Variants in LRRC25 observed in about 807,000 individuals in gnomAD.
LRRC25 encodes the protein leucine-rich repeat-containing protein 25.
LRRC25 carries 5 observed loss-of-function variants against 18.8 expected under a neutral mutation model. The ratio of observed to expected loss-of-function variants is 0.27; its 90% confidence interval spans 0.14 to 0.56. The LOEUF (loss-of-function observed/expected upper bound fraction) is 0.56, where lower values mean the gene tolerates loss of function less well. Among genes scored for constraint, LRRC25 ranks in the 20% least tolerant of loss-of-function variants. The probability of loss-of-function intolerance (pLI) is 0.93; values close to 1 mark genes in which losing one functional copy is unlikely to be tolerated. For synonymous variants in LRRC25, 161 were observed against 176.8 expected (o/e 0.91, Z 0.71); for missense variants, 341 against 389.8 (o/e 0.87, Z 1.05).
At position 18,396,752 on chromosome 19, in the gene LRRC25, T is replaced by C; in HGVS notation, c.212A>G (p.Asn71Ser). 1 of 1,614,070 alleles carries C rather than the reference T, an allele frequency of 6.2e-7. No homozygotes were observed. The highest frequency in any genetic ancestry group is 1.6e-4 in the Middle Eastern group (1 of 6,062). The stretch of plus-strand genomic sequence containing the variant: ...GGTCACTGGAAGCTCTCGCAGGCCG[T>C]TCCCAGACAGGTCAAGGAGAATCAC... ...SNVILLDLSG[N>S]GLRELPVTFF... Residue 71 changes from asparagine (N) to serine (S), a missense_variant, in exon 1 of 2, where the codon AAC (asparagine) becomes AGC (serine). Physicochemically the swap from Asn to Ser is conservative, Grantham distance 46. Transcript: ENST00000339007.
chr19:18,396,332 G>A lies in LRRC25; in HGVS notation c.632C>T (p.Pro211Leu). Residue 211 changes from proline to leucine, a missense_variant, in exon 1 of 2, where the codon CCC (proline) becomes CTC (leucine). By Grantham distance (98) the Pro-to-Leu change is moderately conservative. Coordinates refer to ENST00000339007, the MANE Select transcript of LRRC25 (RefSeq NM_145256.3). ...LNKPWAAQDGPKPGLGLQPRY... is the reference protein window; with the variant it reads ...LNKPWAAQDGLKPGLGLQPRY... ...TGGCTGCAAGCCTAAACCGGGCTTG[G>A]GCCCATCCTGAGCAGCCCAGGGTTT... 6.2e-7 allele frequency: 1 copy of A among 1,613,904 alleles called. No homozygotes were observed. Among genetic ancestry groups the A allele is most frequent in the Non-Finnish European group, 8.5e-7 (1 of 1,180,014 alleles).
In LRRC25 at chr19:18,396,558, G is replaced by C; in HGVS notation, c.406C>G (p.Pro136Ala). 6.2e-7 allele frequency: 1 copy of C among 1,613,876 alleles called. No homozygotes were observed. The highest frequency in any genetic ancestry group is 8.5e-7 in the Non-Finnish European group (1 of 1,180,036). Residue 136 changes from proline to alanine, a missense_variant, in exon 1 of 2, where the codon CCT becomes GCT. Physicochemically the swap from Pro to Ala is conservative, Grantham distance 27. Coordinates refer to ENST00000339007, the MANE Select transcript of LRRC25 (RefSeq NM_145256.3). ...CTGGTTGTGTCCCAGCAGAGCAGAGGCTTCTGGCCAGAGCAGTTGTCTCGG... is the reference window on the plus strand; with the variant it reads ...CTGGTTGTGTCCCAGCAGAGCAGAGCCTTCTGGCCAGAGCAGTTGTCTCGG... The part of the protein sequence containing the change: ...IRRDNCSGQK[P>A]LLCWDTTSSQ...
chr19:18,393,545 C>T (rs950071587), intron 1 of LRRC25, among the ~76,000 whole-genome samples: 6 of 151,742 alleles, frequency 4.0e-5, no homozygotes, highest in African/African-American at 4.8e-5. Context: ...CACTTGAACC[C>T]GGGAGGTGAA....
In LRRC25 at chr19:18,396,843, T is replaced by A. The variant is rs1327642608; in HGVS notation, c.121A>T (p.Thr41Ser). 6.2e-7 allele frequency: 1 copy of A among 1,613,842 alleles called. No homozygotes were observed. Among genetic ancestry groups the A allele is most frequent in the African/African-American group, 1.3e-5 (1 of 74,922 alleles). Residue 41 changes from threonine (T) to serine (S), a missense_variant, in exon 1 of 2, where the codon ACG (threonine) becomes TCG (serine). By Grantham distance (58) the Thr-to-Ser change is moderately conservative. Coordinates refer to ENST00000339007, the MANE Select transcript of LRRC25 (RefSeq NM_145256.3). ...DVDWNAEFSA[T>S]CLNFSGLSLS... ...CTGAGGCCACTGAAATTCAGGCACG[T>A]GGCACTGAACTCCGCGTTCCAGTCC...
Position 18,391,790 on chromosome 19 carries a change from C to T in LRRC25, c.*197G>A. 1 of 581,252 alleles carries T rather than the reference C, an allele frequency of 1.7e-6. No homozygotes were observed. 36.0% of individuals were successfully genotyped at this position (581,252 alleles called of 1,614,324 possible). A position where few individuals can be genotyped will look rare whatever the true frequency, so the allele number is the denominator to read the frequency against. ...CTTGTTGGGGGTCTCTCCTCTTCCC[C>T]CTCTAGGAGCTGAGGGAGCTGAGGA... On this transcript the variant is annotated 3_prime_UTR_variant, in exon 2 of 2. Transcript: ENST00000339007.
Sources: gnomAD v4.1 joint callset for allele counts (sites outside exome capture counted in the v4.1 genomes callset) on GRCh38, gnomAD v4.1.1 for gene constraint, MANE v1.5 for transcripts, NCBI Gene and HGNC (gene_info 2026-07-23, HGNC 2026-07-21) for gene names.